ETV6: variants seen among roughly 807,000 people sequenced by gnomAD.
ETV6 encodes transcription factor ETV6.
ETV6 carries 16 observed loss-of-function variants against 51.1 expected under a neutral mutation model. That is an observed-to-expected ratio of 0.31 (90% CI 0.21 to 0.48). ETV6 has a LOEUF of 0.48. Among genes scored for constraint, ETV6 ranks in the 20% least tolerant of loss-of-function variants. The probability of loss-of-function intolerance (pLI) is 0.99; values close to 1 mark genes in which losing one functional copy is unlikely to be tolerated. For missense variants in ETV6, 458 were observed against 594.8 expected, an observed-to-expected ratio of 0.77 and a Z score of 2.39; for synonymous variants, 240 against 224.1, an observed-to-expected ratio of 1.07 and a Z score of -0.64.
intron 1 of ETV6, among the ~76,000 whole-genome samples, chr12:11,671,737 T>A (rs1024358757): frequency 2.6e-5 from 4 of 152,214 alleles, no homozygotes; most frequent in African/African-American, 7.2e-5. Flanking sequence ...AGGCTATTAT[T>A]GCCATATTAG....
chr12:11,692,030 C>T (rs999083342), intron 1 of ETV6, among the ~76,000 whole-genome samples: 1 of 152,126 alleles, frequency 6.6e-6, no homozygotes, highest in African/African-American at 2.4e-5. Context: ...GTATTTGTCT[C>T]CTCCAAAATT....
At chr12:11,714,217 G>A (rs1451696924) in intron 1 of ETV6, among the ~76,000 whole-genome samples, 1 of 152,134 alleles carries the variant, frequency 6.6e-6, no homozygotes, top group Non-Finnish European at 1.5e-5. Flanking sequence ...AATGGAAAGA[G>A]GACAAAGAAA....
chr12:11,792,717 G>A (rs1187156515), intron 2 of ETV6, among the ~76,000 whole-genome samples: 1 of 151,820 alleles, frequency 6.6e-6, no homozygotes. Context: ...CTCTTTCAGT[G>A]TCAGGTCCCA....
intron 1 of ETV6, among the ~76,000 whole-genome samples, chr12:11,698,913 G>A (rs1307872359): frequency 3.3e-5 from 5 of 152,144 alleles, no homozygotes; most frequent in African/African-American, 1.2e-4. Flanking sequence ...AGGGAAGTTG[G>A]GGATTAGAGA....
At chr12:11,753,295 C>T (rs962269217) in intron 2 of ETV6, among the ~76,000 whole-genome samples, 18 of 152,228 alleles carry the variant, frequency 1.2e-4, no homozygotes, top group Non-Finnish European at 2.2e-4. Context: ...GCTGCTGATA[C>T]TGGCCTCCAA....
chr12:11,893,284 G>A lies in ETV6; in HGVS notation c.*2238G>A. 1 of 232,702 alleles carries A rather than the reference G, an allele frequency of 4.3e-6. No individual in the cohort carries two copies. The highest frequency in any genetic ancestry group is 8.5e-6 in the Non-Finnish European group (1 of 117,742). 14.4% of individuals were successfully genotyped at this position (232,702 alleles called of 1,614,324 possible). On this transcript the variant is annotated 3_prime_UTR_variant, in exon 8 of 8. Transcript: ENST00000396373. ...AATATGAAATCAGAGACCAGGGCATGATGTTGCTAGGATTAGAGCCTCTCA... is the reference window on the plus strand; with the variant it reads ...AATATGAAATCAGAGACCAGGGCATAATGTTGCTAGGATTAGAGCCTCTCA...
At chr12:11,821,026 A>G (rs1477315279) in intron 2 of ETV6, among the ~76,000 whole-genome samples, 1 of 152,140 alleles carries the variant, frequency 6.6e-6, no homozygotes, top group African/African-American at 2.4e-5. Context: ...TTTGGAAGGC[A>G]GAGCCAATAA....
intron 1 of ETV6, among the ~76,000 whole-genome samples, chr12:11,667,112 AACACTCAGCGTAC>A (rs1311859423): frequency 2.0e-5 from 3 of 152,166 alleles, no homozygotes; most frequent in Admixed American, 2.0e-4. Context: ...CTCCCTCTTA[AACACTCAGCGTAC>A]ACACCTCATC....
At chr12:11,741,243 T>A (rs1321384896) in intron 1 of ETV6, among the ~76,000 whole-genome samples, 1 of 152,146 alleles carries the variant, frequency 6.6e-6, no homozygotes, top group Non-Finnish European at 1.5e-5. Flanking sequence ...ATGGCACAGG[T>A]GCATCTCTGT....
chr12:11,818,264 T>C (rs1016615406), intron 2 of ETV6, among the ~76,000 whole-genome samples: 2 of 152,166 alleles, frequency 1.3e-5, no homozygotes, highest in Non-Finnish European at 2.9e-5. Context: ...ACACCTGTAA[T>C]CCCAGCACTT....
At chr12:11,731,790 G>A (rs542458296) in intron 1 of ETV6, among the ~76,000 whole-genome samples, 2 of 152,220 alleles carry the variant, frequency 1.3e-5, no homozygotes, top group Admixed American at 1.3e-4. Context: ...AAATTAAAAT[G>A]TTAACTACCA....
chr12:11,886,060 G>A, intron 7 of ETV6, 34 bp downstream of exon 7: 1 of 1,477,916 alleles, frequency 6.8e-7, no homozygotes, highest in Non-Finnish European at 9.5e-7. Context: ...CCTTCTTTTG[G>A]GAGGATGCTG....
chr12:11,659,090 G>C (rs1864052465), intron 1 of ETV6, among the ~76,000 whole-genome samples: 1 of 152,344 alleles, frequency 6.6e-6, no homozygotes, highest in Middle Eastern at 3.4e-3. Context: ...GTGGGCTGGT[G>C]AATGTTCACT....
rs1947363167 is a variant in ETV6, at chr12:11,894,548, G to C, written c.*3502G>C. On this transcript the variant is annotated 3_prime_UTR_variant, in exon 8 of 8. Transcript: ENST00000396373. ...ACCAATGGATTTTCTCCTTTCACCA[G>C]TATGTTTGGAACCCTCTGATCCAAT... The C allele has an allele frequency of 4.3e-6, 1 of 233,084 alleles. No individual in the cohort carries two copies. Among genetic ancestry groups the C allele is most frequent in the African/African-American group, 2.2e-5 (1 of 45,332 alleles). The allele number at this position is 233,084 out of a possible 1,614,324, so 14.4% of individuals were successfully genotyped here. A position where few individuals can be genotyped will look rare whatever the true frequency, so the allele number is the denominator to read the frequency against.
chr12:11,858,916 G>A (rs932043897), intron 4 of ETV6, among the ~76,000 whole-genome samples: 1 of 152,074 alleles, frequency 6.6e-6, no homozygotes, highest in African/African-American at 2.4e-5. Context: ...ATTGAGAGAA[G>A]TCATTTCTTT....
chr12:11,762,132 T>C (rs1328117451), intron 2 of ETV6, among the ~76,000 whole-genome samples: 2 of 152,234 alleles, frequency 1.3e-5, no homozygotes, highest in African/African-American at 4.8e-5. Context: ...GGATGAGAAC[T>C]GGTGCCAGCT....
At chr12:11,820,257 T>G (rs1946056930) in intron 2 of ETV6, among the ~76,000 whole-genome samples, 3 of 152,322 alleles carry the variant, frequency 2.0e-5, no homozygotes, top group Admixed American at 2.0e-4. Context: ...CATGCTGCAC[T>G]GTCTCCATCA....
intron 1 of ETV6, among the ~76,000 whole-genome samples, chr12:11,724,379 G>C (rs1271491641): frequency 1.3e-5 from 2 of 152,252 alleles, no homozygotes; most frequent in Non-Finnish European, 2.9e-5. Flanking sequence ...ATCACGTGGA[G>C]TGGGCCTGTG....
At chr12:11,871,282 G>A (rs577445204) in intron 5 of ETV6, among the ~76,000 whole-genome samples, 6 of 147,248 alleles carry the variant, frequency 4.1e-5, no homozygotes, top group African/African-American at 1.3e-4. Context: ...TCCGCCTCCC[G>A]GGTTCACGTC....
Sources: allele counts gnomAD v4.1 joint callset (sites outside exome capture counted in the v4.1 genomes callset), GRCh38; gene constraint gnomAD v4.1.1; transcripts MANE v1.5; gene names NCBI Gene and HGNC (gene_info 2026-07-23, HGNC 2026-07-21).